ANKFY1: variants seen among roughly 807,000 people sequenced by gnomAD.
ANKFY1 encodes the protein ankyrin repeat and FYVE domain containing 1.
A neutral mutation model predicts 128.3 loss-of-function variants in ANKFY1; 47 were observed. The observed-to-expected ratio is 0.37, with a 90% confidence interval of 0.29 to 0.47. The LOEUF (loss-of-function observed/expected upper bound fraction) is 0.47. Among genes scored for constraint, ANKFY1 ranks in the 20% least tolerant of loss-of-function variants. The pLI, the probability that ANKFY1 is intolerant of heterozygous loss-of-function variation, is 1.00. For missense variants in ANKFY1, 1,222 were observed against 1,510.6 expected, an observed-to-expected ratio of 0.81 and a Z score of 3.17; for synonymous variants, 553 against 601.6, an observed-to-expected ratio of 0.92 and a Z score of 1.18.
chr17:4,223,587 C>T, intron 3 of ANKFY1: 6 of 1,268,526 alleles, frequency 4.7e-6, no homozygotes, highest in Non-Finnish European at 2.3e-6. Context: ...ATGTGTGGGG[C>T]CTTTGGAGTG....
chr17:4,254,005 C>G (rs1353180296), intron 1 of ANKFY1, among the ~76,000 whole-genome samples: 1 of 152,064 alleles, frequency 6.6e-6, no homozygotes, highest in Admixed American at 6.6e-5. Context: ...GTTCATGTAT[C>G]CTTGTAAGAG....
At chr17:4,176,050 T>TC (rs1420134263) in intron 19 of ANKFY1, among the ~76,000 whole-genome samples, 3 of 152,156 alleles carry the variant, frequency 2.0e-5, no homozygotes, top group Admixed American at 1.3e-4. Context: ...CAGCTCCGCC[T>TC]CCTTGGCTGC....
At chr17:4,170,898 C>T in intron 22 of ANKFY1, 37 bp from the exon 23 acceptor site, 1 of 1,612,444 alleles carries the variant, frequency 6.2e-7, no homozygotes, top group Non-Finnish European at 8.5e-7. Context: ...TACTTCCCAC[C>T]CGGCCCAGCC....
intron 10 of ANKFY1, among the ~76,000 whole-genome samples, chr17:4,192,263 A>C (rs2059730687): frequency 6.8e-6 from 1 of 147,692 alleles, no homozygotes; most frequent in Admixed American, 6.6e-5. Flanking sequence ...GGAGACTCCT[A>C]GTTGATGGTT....
In ANKFY1 at chr17:4,173,336, C is replaced by T. The variant is rs759069879; in HGVS notation, c.3014+18G>A. The T allele has an allele frequency of 8.3e-5, 133 of 1,611,304 alleles. No homozygotes were observed. The highest frequency in any genetic ancestry group is 1.0e-4 in the Non-Finnish European group (122 of 1,178,042). ...CAGGCCAGGCGCCGCGGGGCCTACT[C>T]GGGCCCAACGCGCTCACCTGAGATT... On this transcript the variant is annotated intron_variant, in intron 21 of 24. Transcript: ENST00000341657.
At chr17:4,241,225 G>T (rs536591333) in intron 2 of ANKFY1, among the ~76,000 whole-genome samples, 2 of 149,414 alleles carry the variant, frequency 1.3e-5, no homozygotes, top group South Asian at 4.2e-4. Flanking sequence ...CATATAGATT[G>T]AAGTCACATA....
chr17:4,250,669 C>T (rs555159773), intron 1 of ANKFY1, among the ~76,000 whole-genome samples: 468 of 19,348 alleles, frequency 0.024, 2 homozygotes, highest in Admixed American at 0.034. Flanking sequence ...AAGAATGATT[C>T]TAATTTTTTT....
At chr17:4,259,455 T>C (rs892545751) in intron 1 of ANKFY1, among the ~76,000 whole-genome samples, 31 of 152,186 alleles carry the variant, frequency 2.0e-4, no homozygotes, top group African/African-American at 7.5e-4. Flanking sequence ...CTAATTTTTG[T>C]ATGTTTAGTA....
chr17:4,263,715 C>A, intron 1 of ANKFY1: 1 of 1,485,020 alleles, frequency 6.7e-7, no homozygotes. Context: ...CGGCCGCAGT[C>A]CCGCGGGGTC....
At chr17:4,219,717 AAAAAAG>A (rs967607903) in intron 3 of ANKFY1, among the ~76,000 whole-genome samples, 74 of 152,322 alleles carry the variant, frequency 4.9e-4, no homozygotes, top group East Asian at 1.2e-3. Flanking sequence ...AAAAGTAAAA[AAAAAAG>A]AAAAAGAAAA....
chr17:4,174,126 C>G (rs1567908700), intron 19 of ANKFY1, 70 bp from the exon 20 acceptor site: 1 of 1,553,940 alleles, frequency 6.4e-7, no homozygotes, highest in East Asian at 2.3e-5. Context: ...GGGGGCCGAG[C>G]CTGCTTGTCT....
chr17:4,179,542 A>T, intron 17 of ANKFY1, 179 bp downstream of exon 17: 2 of 760,658 alleles, frequency 2.6e-6, no homozygotes, highest in Non-Finnish European at 4.2e-6. Flanking sequence ...CTGTTGTAGT[A>T]AGGACAAAGG....
At chr17:4,262,404 G>C (rs1233439763) in intron 1 of ANKFY1, among the ~76,000 whole-genome samples, 1 of 152,176 alleles carries the variant, frequency 6.6e-6, no homozygotes, top group Non-Finnish European at 1.5e-5. Context: ...TGGAATTACA[G>C]ACACGTGCCA....
chr17:4,167,090 G>A lies in ANKFY1; in HGVS notation c.*689C>T, dbSNP rs992620144. ...GACGAGAGAATGAGACGGCTGCTAC[G>A]AGGTGTCAAGCGGCCCAGCTGCACT... On this transcript the variant is annotated 3_prime_UTR_variant, in exon 25 of 25. Coordinates refer to ENST00000341657, the MANE Select transcript of ANKFY1 (RefSeq NM_001330063.2). This position sits in a 1 kb window ranked among gnomAD's most constrained non-coding sequence, Gnocchi z 4.1. The A allele has an allele frequency of 3.3e-5, 5 of 152,564 alleles. No homozygotes were observed. The highest frequency in any genetic ancestry group is 5.9e-5 in the Non-Finnish European group (4 of 68,020). The allele number at this position is 152,564 out of a possible 1,614,324, so 9.5% of individuals were successfully genotyped here. A position where few individuals can be genotyped will look rare whatever the true frequency, so the allele number is the denominator to read the frequency against.
intron 22 of ANKFY1, among the ~76,000 whole-genome samples, chr17:4,171,353 G>A (rs2059316208): frequency 6.6e-6 from 1 of 152,180 alleles, no homozygotes; most frequent in Admixed American, 6.5e-5. Context: ...ACCCCGTGGA[G>A]CCCGTGGGAA....
At position 4,197,368 on chromosome 17, in the gene ANKFY1, C is replaced by G; in HGVS notation, c.1103+5G>C. The G allele has an allele frequency of 6.2e-7, 1 of 1,613,982 alleles. No homozygotes were observed. The highest frequency in any genetic ancestry group is 8.5e-7 in the Non-Finnish European group (1 of 1,180,038). On this transcript the variant is annotated splice_donor_5th_base_variant and intron_variant, in intron 8 of 24. Transcript: ENST00000341657. ...TAAGGGCACAGTGTCTGCTCCCCAGCTTACCTCCCCTTGCTGTCCTGCATG... is the reference window on the plus strand; with the variant it reads ...TAAGGGCACAGTGTCTGCTCCCCAGGTTACCTCCCCTTGCTGTCCTGCATG...
At chr17:4,252,802 T>C (rs1260016359) in intron 1 of ANKFY1, among the ~76,000 whole-genome samples, 1 of 152,196 alleles carries the variant, frequency 6.6e-6, no homozygotes, top group African/African-American at 2.4e-5. Flanking sequence ...AATGTCCAGC[T>C]GGTAAACAGA....
rs1004930080 is a variant in ANKFY1, at chr17:4,167,863, A to G, written c.3426T>C (p.Ile1142=). The G allele has an allele frequency of 1.2e-6, 2 of 1,614,006 alleles. No homozygotes were observed. The highest frequency in any genetic ancestry group is 1.7e-6 in the Non-Finnish European group (2 of 1,179,928). Residue 1142 remains isoleucine, a synonymous_variant, in exon 25 of 25, where the codon ATT becomes ATC. Transcript: ENST00000341657. This position sits in a 1 kb window ranked among gnomAD's most constrained non-coding sequence, Gnocchi z 4.1. ...LLCHKCSTKE[I]PIIKFDLNKP... is the part of the protein sequence containing the mutation. ...TGTTCAGATCAAACTTTATAATAGG[A>G]ATCTCCTTGGTCGAGCATTTATGGC...
chr17:4,183,775 C>T (rs1174273797), intron 13 of ANKFY1, 37 bp downstream of exon 13: 1 of 1,570,482 alleles, frequency 6.4e-7, no homozygotes, highest in Non-Finnish European at 8.8e-7. Context: ...GGACAGCTGT[C>T]TGTCTGCAGA....
Sources: allele counts gnomAD v4.1 joint callset (sites outside exome capture counted in the v4.1 genomes callset), GRCh38; gene constraint gnomAD v4.1.1; non-coding constraint Gnocchi (gnomAD v3.1); transcripts MANE v1.5; gene names NCBI Gene and HGNC (gene_info 2026-07-23, HGNC 2026-07-21).